Variants in GAB2 observed in about 807,000 individuals in gnomAD.
GAB2 encodes GRB2-associated-binding protein 2.
GAB2 carries 26 observed loss-of-function variants against 65.5 expected under a neutral mutation model. The ratio of observed to expected loss-of-function variants is 0.40; its 90% CI spans 0.29 to 0.55. GAB2 has a LOEUF of 0.55. Ranked by LOEUF, GAB2 falls within the 20% of genes least tolerant of loss-of-function variation. GAB2 has a pLI of 0.53. For synonymous variants in GAB2, 321 were observed against 329.6 expected, an observed-to-expected ratio of 0.97 and a Z score of 0.28; for missense variants, 884 against 875.8, an observed-to-expected ratio of 1.01 and a Z score of -0.12.
At chr11:78,333,987 A>G (rs1855957979) in intron 1 of GAB2, among the ~76,000 whole-genome samples, 1 of 152,164 alleles carries the variant, frequency 6.6e-6, no homozygotes. Context: ...GCATCTCCAG[A>G]CTATATCTGA....
intron 1 of GAB2, among the ~76,000 whole-genome samples, chr11:78,351,573 TCTC>T (rs1856278745): frequency 6.6e-6 from 1 of 152,160 alleles, no homozygotes; most frequent in African/African-American, 2.4e-5. Context: ...TCTCACATCT[TCTC>T]CTTCAATAAT....
chr11:78,414,394 A>G (rs962586750), intron 1 of GAB2, among the ~76,000 whole-genome samples: 2 of 152,230 alleles, frequency 1.3e-5, no homozygotes, highest in African/African-American at 4.8e-5. Context: ...CAATTTGTGC[A>G]CAACTTTCTT....
chr11:78,223,594 A>G lies in GAB2; in HGVS notation c.1385T>C (p.Leu462Pro), dbSNP rs779999442. The part of the protein sequence containing the change: ...YVPMNPGSST[L>P]LAMERAGDNS... Reference sequence around the variant, plus strand: ...ATCACCTGCTCGTTCCATGGCCAACAGGGTGGAAGAACCTGGATTCATGGG... The same window carrying G: ...ATCACCTGCTCGTTCCATGGCCAACGGGGTGGAAGAACCTGGATTCATGGG... The change falls in exon 6 of 10, where the codon CTG becomes CCG. Residue 462 changes from leucine to proline, a missense_variant. Leu to Pro is a moderately conservative substitution (Grantham distance 98). Coordinates refer to ENST00000361507, the MANE Select transcript of GAB2 (RefSeq NM_080491.3). 6.2e-7 allele frequency: 1 copy of G among 1,613,676 alleles called. No individual in the cohort carries two copies. Among genetic ancestry groups the G allele is most frequent in the Non-Finnish European group, 8.5e-7 (1 of 1,179,704 alleles).
At chr11:78,410,753 T>C (rs1857117224) in intron 1 of GAB2, among the ~76,000 whole-genome samples, 1 of 152,110 alleles carries the variant, frequency 6.6e-6, no homozygotes, top group Admixed American at 6.5e-5. Flanking sequence ...AGAAATTGGA[T>C]TAAAAATGTA....
chr11:78,396,616 C>CT (rs1156524879), intron 1 of GAB2, among the ~76,000 whole-genome samples: 1 of 151,720 alleles, frequency 6.6e-6, no homozygotes. Context: ...TTTCTTTTTT[C>CT]TTTTTTTTGA....
At chr11:78,253,687 A>G (rs778751001) in intron 2 of GAB2, among the ~76,000 whole-genome samples, 86 of 152,274 alleles carry the variant, frequency 5.6e-4, no homozygotes, top group Non-Finnish European at 1.1e-3. Flanking sequence ...GAAAATACCA[A>G]TCTTTCTCTC....
At chr11:78,294,165 G>A (rs919037765) in intron 1 of GAB2, among the ~76,000 whole-genome samples, 6 of 152,220 alleles carry the variant, frequency 3.9e-5, no homozygotes, top group African/African-American at 1.4e-4. Flanking sequence ...GAGAACATGC[G>A]GTGTTTGGTT....
chr11:78,333,801 C>T (rs1288528141), intron 1 of GAB2, among the ~76,000 whole-genome samples: 1 of 152,182 alleles, frequency 6.6e-6, no homozygotes, highest in Non-Finnish European at 1.5e-5. Context: ...TCTCCTAAAT[C>T]CTTTAGATTA....
intron 1 of GAB2, among the ~76,000 whole-genome samples, chr11:78,290,120 G>C (rs1866616706): frequency 6.6e-6 from 1 of 152,110 alleles, no homozygotes; most frequent in Non-Finnish European, 1.5e-5. Flanking sequence ...TAAAAAATAA[G>C]AGACAAGAAA....
intron 4 of GAB2, 33 bp downstream of exon 4, chr11:78,226,432 T>C: frequency 6.6e-7 from 1 of 1,521,792 alleles, no homozygotes. Context: ...TACCTCCTCC[T>C]CCCTCTGAGT....
rs565598137 is a variant in GAB2, at chr11:78,215,791, C to G, written c.*3481G>C. The stretch of plus-strand genomic sequence containing the variant: ...ACGACCCCCCACGGAAGGGCTTTAG[C>G]GCTCCTGAGACCAGTCTGGCTTCCC... On this transcript the variant is annotated 3_prime_UTR_variant, in exon 10 of 10. Coordinates refer to ENST00000361507, the MANE Select transcript of GAB2 (RefSeq NM_080491.3). The G allele has an allele frequency of 1.3e-5, 2 of 152,596 alleles. No individual in the cohort carries two copies. Among genetic ancestry groups the G allele is most frequent in the Non-Finnish European group, 1.5e-5 (1 of 68,082 alleles). The allele number at this position is 152,596 out of a possible 1,614,324, so 9.5% of individuals were successfully genotyped here. A position where few individuals can be genotyped will look rare whatever the true frequency, so the allele number is the denominator to read the frequency against.
At chr11:78,220,868 A>G (rs1052301977) in intron 8 of GAB2, among the ~76,000 whole-genome samples, 7 of 152,096 alleles carry the variant, frequency 4.6e-5, no homozygotes, top group Non-Finnish European at 8.8e-5. Context: ...AAAGGAGCAC[A>G]TTTCCTTTAT....
intron 1 of GAB2, among the ~76,000 whole-genome samples, chr11:78,355,680 TAAAAAAAA>T (rs67850407): frequency 1.3e-5 from 1 of 79,142 alleles, no homozygotes; most frequent in Non-Finnish European, 2.1e-5. Flanking sequence ...CTGTCTCACT[TAAAAAAAA>T]AAAAAAAAAA....
intron 1 of GAB2, among the ~76,000 whole-genome samples, chr11:78,285,215 T>C (rs993544960): frequency 6.6e-6 from 1 of 152,214 alleles, no homozygotes; most frequent in African/African-American, 2.4e-5. Context: ...TAGTCTTGTC[T>C]CTGTGGAAAG....
At chr11:78,263,219 C>T (rs956540331) in intron 2 of GAB2, among the ~76,000 whole-genome samples, 3 of 152,102 alleles carry the variant, frequency 2.0e-5, no homozygotes, top group Non-Finnish European at 4.4e-5. Flanking sequence ...GAAGAAATGA[C>T]AAGATAAGCT....
chr11:78,219,381 A>C lies in GAB2; in HGVS notation c.1922T>G (p.Val641Gly). 6.2e-7 allele frequency: 1 copy of C among 1,613,978 alleles called. No homozygotes were observed. The highest frequency in any genetic ancestry group is 8.5e-7 in the Non-Finnish European group (1 of 1,179,936). ...CTCCTTGTCCACCTGAACGTAGTCCACCTTCTCATCAGAGGTGACGGATGA... is the reference window on the plus strand; with the variant it reads ...CTCCTTGTCCACCTGAACGTAGTCCCCCTTCTCATCAGAGGTGACGGATGA... ...STSSVTSDEK[V>G]DYVQVDKEKT... Residue 641 changes from valine (V) to glycine (G), a missense_variant, in exon 10 of 10, where the codon GTG (valine) becomes GGG (glycine). Coordinates refer to ENST00000361507, the MANE Select transcript of GAB2 (RefSeq NM_080491.3).
At chr11:78,401,505 C>CGTGTGTGTGTGTGTGT (rs34474918) in intron 1 of GAB2, among the ~76,000 whole-genome samples, 18 of 125,008 alleles carry the variant, frequency 1.4e-4, no homozygotes, top group South Asian at 3.1e-4. Flanking sequence ...GAACAGTATT[C>CGTGTGTGTGTGTGTGT]GTGTGTGTGT....
chr11:78,238,319 C>G (rs996319481), intron 3 of GAB2, among the ~76,000 whole-genome samples: 2 of 149,684 alleles, frequency 1.3e-5, no homozygotes, highest in Non-Finnish European at 3.0e-5. Flanking sequence ...CTCGAGACAA[C>G]ATAGCGAGAC....
chr11:78,286,412 C>T (rs1051717676), intron 1 of GAB2, among the ~76,000 whole-genome samples: 1 of 152,016 alleles, frequency 6.6e-6, no homozygotes, highest in Admixed American at 6.6e-5. Context: ...TTACCCCACG[C>T]TGGCATTTCT....
Sources: gnomAD v4.1 joint callset for allele counts (sites outside exome capture counted in the v4.1 genomes callset) on GRCh38, gnomAD v4.1.1 for gene constraint, MANE v1.5 for transcripts, NCBI Gene and HGNC (gene_info 2026-07-23, HGNC 2026-07-21) for gene names.